Variants in PRKN observed in about 807,000 individuals in gnomAD.
The protein encoded by PRKN is E3 ubiquitin-protein ligase parkin.
Under a neutral mutation model 59.5 loss-of-function variants are expected in PRKN, and 56 were observed. That is an observed-to-expected ratio of 0.94 (90% confidence interval 0.76 to 1.18). PRKN has a LOEUF of 1.18. PRKN is among the 50% of genes most tolerant of loss of function. The pLI, the probability that PRKN is intolerant of heterozygous loss-of-function variation, is 0.00. For missense variants in PRKN, 657 were observed against 596.4 expected (o/e 1.10, Z -1.06); for synonymous variants, 250 against 222.1 (o/e 1.13, Z -1.12).
At chr6:162,147,898 A>G (rs561624331) in intron 4 of PRKN, among the ~76,000 whole-genome samples, 1 of 152,246 alleles carries the variant, frequency 6.6e-6, no homozygotes, top group East Asian at 1.9e-4. Flanking sequence ...TAACTTATCA[A>G]TAAAGAAGTA....
chr6:162,056,521 C>T lies in PRKN; in HGVS notation c.535-2347G>A, dbSNP rs558115447. On this transcript the variant is annotated intron_variant, in intron 4 of 11. Transcript: ENST00000366898. The surrounding 1 kb of genome is among the most constrained non-coding windows in gnomAD (Gnocchi z 4.9). ...CAAAAGGAGCTGCATCTGGGATCCA[C>T]CGATCATTAATCCAAAGGCCACCGC... Among the ~76,000 whole-genome samples, 8 of 152,278 alleles carry T rather than the reference C, an allele frequency of 5.3e-5. No individual in the cohort carries two copies. In the South Asian group the frequency reaches 1.7e-3, roughly 32 times the overall value.
chr6:162,202,427 A>T (rs964809633), intron 3 of PRKN, among the ~76,000 whole-genome samples: 36 of 152,202 alleles, frequency 2.4e-4, no homozygotes, highest in African/African-American at 8.7e-4. Flanking sequence ...CTGAAGCACA[A>T]CAAAGATGTA....
Position 161,554,348 on chromosome 6 carries a change from C to T in PRKN, c.934-5345G>A, listed in dbSNP as rs933959459. ...ACTGTATCCACACTGTTAACACATGCGGCCATTTCGAACTATGCTGTCTTT... is the reference window on the plus strand; with the variant it reads ...ACTGTATCCACACTGTTAACACATGTGGCCATTTCGAACTATGCTGTCTTT... On this transcript the variant is annotated intron_variant, in intron 8 of 11. Coordinates refer to ENST00000366898, the MANE Select transcript of PRKN (RefSeq NM_004562.3). This position sits in a 1 kb window ranked among gnomAD's most constrained non-coding sequence, Gnocchi z 4.5. 1.1e-4 allele frequency among the ~76,000 whole-genome samples: 16 copies of T among 151,680 alleles called. No homozygotes were observed. The highest frequency in any genetic ancestry group is 3.9e-4 in the East Asian group (2 of 5,178).
chr6:162,171,862 C>T (rs1783295570), intron 4 of PRKN, among the ~76,000 whole-genome samples: 1 of 152,124 alleles, frequency 6.6e-6, no homozygotes, highest in Non-Finnish European at 1.5e-5. Flanking sequence ...ACGGACTTGC[C>T]TGTATTTGGG....
chr6:161,450,359 G>A (rs929504420), intron 9 of PRKN, among the ~76,000 whole-genome samples: 6 of 152,148 alleles, frequency 3.9e-5, no homozygotes, highest in Admixed American at 1.3e-4. Context: ...CCCATGTTGC[G>A]AAGCTCCATC....
rs1787222762 is a variant in PRKN, at chr6:161,405,475, G to T, written c.1084-18598C>A. On this transcript the variant is annotated intron_variant, in intron 9 of 11. Coordinates refer to ENST00000366898, the MANE Select transcript of PRKN (RefSeq NM_004562.3). This position sits in a 1 kb window ranked among gnomAD's most constrained non-coding sequence, Gnocchi z 5.1. ...CATCTGTAATCCCAGCTACTTGGGAGGCTGGGGCAGGAGAATTGCTTGAAC... is the reference window on the plus strand; with the variant it reads ...CATCTGTAATCCCAGCTACTTGGGATGCTGGGGCAGGAGAATTGCTTGAAC... Among the ~76,000 whole-genome samples the T allele has an allele frequency of 6.6e-6, 1 of 152,032 alleles. No individual in the cohort carries two copies. Among genetic ancestry groups the T allele is most frequent in the African/African-American group, 2.4e-5 (1 of 41,376 alleles).
intron 6 of PRKN, among the ~76,000 whole-genome samples, chr6:161,885,181 G>A (rs1037858982): frequency 1.3e-5 from 2 of 151,154 alleles, no homozygotes; most frequent in Admixed American, 6.6e-5. Flanking sequence ...CTTCACCCCG[G>A]ACCTACTGAA....
At chr6:162,451,233 T>C (rs1583594346) in intron 1 of PRKN, among the ~76,000 whole-genome samples, 1 of 151,560 alleles carries the variant, frequency 6.6e-6, no homozygotes, top group African/African-American at 2.4e-5. Context: ...TATCTAACAT[T>C]TCAAAGAACC....
At chr6:161,926,453 A>G (rs1458221661) in intron 6 of PRKN, among the ~76,000 whole-genome samples, 2 of 152,210 alleles carry the variant, frequency 1.3e-5, no homozygotes, top group Non-Finnish European at 2.9e-5. Flanking sequence ...CTTGGCGCAC[A>G]CTGTCTCTTC....
At chr6:161,532,122 C>T (rs1779235542) in intron 9 of PRKN, among the ~76,000 whole-genome samples, 1 of 149,840 alleles carries the variant, frequency 6.7e-6, no homozygotes, top group East Asian at 2.0e-4. Context: ...TCAATCTATC[C>T]ATCCTATCTC....
chr6:162,572,807 A>T (rs986000005), intron 1 of PRKN, among the ~76,000 whole-genome samples: 1 of 152,166 alleles, frequency 6.6e-6, no homozygotes, highest in Non-Finnish European at 1.5e-5. Flanking sequence ...ATTTATAGAA[A>T]ATTTAGGTTC....
intron 6 of PRKN, among the ~76,000 whole-genome samples, chr6:161,841,994 A>C (rs1190312404): frequency 6.6e-6 from 1 of 152,030 alleles, no homozygotes. Context: ...CTCCAAATAA[A>C]GCCTGCCTTA....
rs568817172 is a variant in PRKN at position 161,379,449 on chromosome 6, A to G, written c.1167+7345T>C. Reference sequence around the variant, plus strand: ...TTTCTCCAGTCTCTCTCATTCCACAAGCAAATGTCTCCAGGCAGTGCAAGG... The same window carrying G: ...TTTCTCCAGTCTCTCTCATTCCACAGGCAAATGTCTCCAGGCAGTGCAAGG... On this transcript the variant is annotated intron_variant, in intron 10 of 11. Coordinates refer to ENST00000366898, the MANE Select transcript of PRKN (RefSeq NM_004562.3). This position sits in a 1 kb window ranked among gnomAD's most constrained non-coding sequence, Gnocchi z 4.9. Among the ~76,000 whole-genome samples, 9 of 152,286 alleles carry G rather than the reference A, an allele frequency of 5.9e-5. No individual in the cohort carries two copies. In the East Asian group the frequency reaches 1.7e-3, roughly 29 times the overall value.
At chr6:161,932,415 G>C (rs577118105) in intron 6 of PRKN, among the ~76,000 whole-genome samples, 1 of 151,984 alleles carries the variant, frequency 6.6e-6, no homozygotes, top group African/African-American at 2.4e-5. Context: ...AAGATCTTTA[G>C]GCAAGTTAAA....
At chr6:161,779,435 C>CTTTTTTTTTT (rs1583153971) in intron 7 of PRKN, among the ~76,000 whole-genome samples, 1 of 40,428 alleles carries the variant, frequency 2.5e-5, no homozygotes, top group Non-Finnish European at 4.9e-5. Flanking sequence ...TTTTTCTTTT[C>CTTTTTTTTTT]TTTTCTTTTT....
chr6:161,495,543 A>T (rs1333606597), intron 9 of PRKN, among the ~76,000 whole-genome samples: 1 of 152,204 alleles, frequency 6.6e-6, no homozygotes, highest in African/African-American at 2.4e-5. Context: ...TTACGCCCTT[A>T]AAGAAGGCAT....
chr6:161,824,449 C>T (rs764651277), intron 6 of PRKN, among the ~76,000 whole-genome samples: 1 of 152,116 alleles, frequency 6.6e-6, no homozygotes, highest in East Asian at 1.9e-4. Context: ...GAGAATTTAC[C>T]GGTATTTCCA....
intron 3 of PRKN, among the ~76,000 whole-genome samples, chr6:162,215,764 C>T (rs1777618764): frequency 1.3e-5 from 2 of 152,058 alleles, no homozygotes; most frequent in Admixed American, 6.6e-5. Context: ...AAATGAGGGG[C>T]AGGCCGGGCG....
chr6:161,769,227 C>T (rs945867361), intron 7 of PRKN, among the ~76,000 whole-genome samples: 12 of 152,312 alleles, frequency 7.9e-5, no homozygotes, highest in African/African-American at 1.4e-4. Context: ...GTGTGAGTCA[C>T]GCGTTTCTAG....
Sources: gnomAD v4.1 joint callset for allele counts (sites outside exome capture counted in the v4.1 genomes callset) on GRCh38, gnomAD v4.1.1 for gene constraint, Gnocchi (gnomAD v3.1) non-coding constraint, MANE v1.5 for transcripts, NCBI Gene and HGNC (gene_info 2026-07-23, HGNC 2026-07-21) for gene names.